Variants in ANO4 observed in about 807,000 individuals in gnomAD.
ANO4 encodes the protein anoctamin-4.
Under a neutral mutation model 141.9 loss-of-function variants are expected in ANO4, and 69 were observed. That is an observed-to-expected ratio of 0.49 (90% CI 0.40 to 0.59). The LOEUF (loss-of-function observed/expected upper bound fraction) is 0.59, where lower values mean the gene tolerates loss of function less well. Ranked by LOEUF, ANO4 falls within the 20% of genes least tolerant of loss-of-function variation. The pLI is 0.00. For synonymous variants in ANO4, 350 were observed against 394.3 expected, an observed-to-expected ratio of 0.89 and a Z score of 1.33; for missense variants, 894 against 1,162.2, an observed-to-expected ratio of 0.77 and a Z score of 3.36.
At chr12:100,962,527 C>T (rs2043471304) in intron 5 of ANO4, among the ~76,000 whole-genome samples, 1 of 152,224 alleles carries the variant, frequency 6.6e-6, no homozygotes, top group Non-Finnish European at 1.5e-5. Context: ...ACTGTGTCCT[C>T]TAATCAGGAT....
chr12:101,109,560 C>CA (rs564404864), intron 22 of ANO4, among the ~76,000 whole-genome samples: 188 of 146,492 alleles, frequency 1.3e-3, no homozygotes, highest in East Asian at 2.6e-3. Context: ...GACTCTGTCT[C>CA]AAAAAAAAAC....
At chr12:100,742,093 A>T (rs1310446566) in intron 3 of ANO4, among the ~76,000 whole-genome samples, 5 of 152,160 alleles carry the variant, frequency 3.3e-5, no homozygotes, top group African/African-American at 7.2e-5. Flanking sequence ...GCAATAAAAT[A>T]TTGATTTGTT....
At chr12:101,008,900 T>A (rs1227179196) in intron 8 of ANO4, among the ~76,000 whole-genome samples, 2 of 152,154 alleles carry the variant, frequency 1.3e-5, no homozygotes, top group Non-Finnish European at 2.9e-5. Context: ...ACCAAGGATA[T>A]CCTAGGATTC....
At chr12:101,036,926 C>T (rs894258032) in intron 9 of ANO4, among the ~76,000 whole-genome samples, 169 bp from the exon 10 acceptor site, 53 of 152,092 alleles carry the variant, frequency 3.5e-4, no homozygotes, top group African/African-American at 1.2e-3. Context: ...TTTCCCAGCC[C>T]TTGATCCCAA....
At chr12:101,079,928 A>C (rs2136860233) in intron 15 of ANO4, among the ~76,000 whole-genome samples, 1 of 152,258 alleles carries the variant, frequency 6.6e-6, no homozygotes, top group African/African-American at 2.4e-5. Flanking sequence ...TCCTGTCGGA[A>C]GTCTGAAGTA....
chr12:100,942,351 A>G (rs1037381077), intron 4 of ANO4, 26 bp from the exon 5 acceptor site: 14 of 1,605,000 alleles, frequency 8.7e-6, no homozygotes, highest in Non-Finnish European at 1.2e-5. Flanking sequence ...AATGACTTAA[A>G]CTGGTCCCTT....
intron 8 of ANO4, among the ~76,000 whole-genome samples, chr12:100,993,824 G>T (rs949962826): frequency 1.3e-5 from 2 of 152,070 alleles, no homozygotes; most frequent in Non-Finnish European, 2.9e-5. Flanking sequence ...TGTGTGCCCA[G>T]AAGAAAAAAA....
chr12:100,919,903 G>T (rs548234843), intron 2 of ANO4, among the ~76,000 whole-genome samples: 1 of 151,508 alleles, frequency 6.6e-6, no homozygotes, highest in Non-Finnish European at 1.5e-5. Context: ...TTCCTTTATG[G>T]TGCTTCTTTT....
At chr12:101,101,920 T>C (rs1427660991) in intron 22 of ANO4, among the ~76,000 whole-genome samples, 1 of 152,050 alleles carries the variant, frequency 6.6e-6, no homozygotes, top group South Asian at 2.1e-4. Context: ...CCGTCTGTAC[T>C]GAAAGATACA....
At chr12:100,970,643 TCCTCCCTC>T (rs1191879399) in intron 5 of ANO4, among the ~76,000 whole-genome samples, 2 of 129,298 alleles carry the variant, frequency 1.5e-5, no homozygotes, top group East Asian at 2.4e-4. Context: ...CTCCCTCCCT[TCCTCCCTC>T]CCTCCCTCCC....
chr12:100,896,808 A>G (rs2040375515), intron 1 of ANO4, among the ~76,000 whole-genome samples: 1 of 152,238 alleles, frequency 6.6e-6, no homozygotes, highest in Non-Finnish European at 1.5e-5. Context: ...CCTAATGGGT[A>G]AAAATGAAGA....
At chr12:100,994,618 T>A (rs909749364) in intron 8 of ANO4, among the ~76,000 whole-genome samples, 2 of 152,258 alleles carry the variant, frequency 1.3e-5, no homozygotes. Flanking sequence ...ACCATTATTT[T>A]ATTTTTGTAA....
At chr12:100,958,699 T>A (rs2043276597) in intron 5 of ANO4, among the ~76,000 whole-genome samples, 1 of 151,876 alleles carries the variant, frequency 6.6e-6, no homozygotes, top group African/African-American at 2.4e-5. Flanking sequence ...ATGCAAAAAA[T>A]TAGCCAGGTG....
intron 17 of ANO4, among the ~76,000 whole-genome samples, chr12:101,092,524 G>A (rs1473100681): frequency 1.4e-5 from 2 of 145,276 alleles, no homozygotes; most frequent in Non-Finnish European, 3.1e-5. Context: ...ATCTCTGAGC[G>A]GCTGTGAGTC....
intron 3 of ANO4, among the ~76,000 whole-genome samples, chr12:100,777,269 C>CTTTTTT (rs71091463): frequency 2.2e-4 from 11 of 50,614 alleles, no homozygotes; most frequent in Non-Finnish European, 2.4e-4. Flanking sequence ...ATTTTTGTAT[C>CTTTTTT]TTTTTTTTTT....
intron 3 of ANO4, among the ~76,000 whole-genome samples, chr12:100,758,507 G>A (rs2032712438): frequency 6.6e-6 from 1 of 152,090 alleles, no homozygotes; most frequent in Non-Finnish European, 1.5e-5. Flanking sequence ...TGCAAGTCTG[G>A]GATTTGGTTC....
intron 1 of ANO4, among the ~76,000 whole-genome samples, chr12:100,885,032 T>C (rs766573403): frequency 1.3e-5 from 2 of 152,214 alleles, no homozygotes; most frequent in African/African-American, 2.4e-5. Flanking sequence ...GCCACATCCC[T>C]AGACTCATGG....
At chr12:101,069,085 A>G in intron 14 of ANO4, 1 of 1,069,912 alleles carries the variant, frequency 9.3e-7, no homozygotes, top group South Asian at 1.2e-5. Context: ...AGCTTTCCAA[A>G]TCTGCAAAGG....
chr12:100,835,929 A>G (rs1366042840), intron 1 of ANO4, among the ~76,000 whole-genome samples: 1 of 152,282 alleles, frequency 6.6e-6, no homozygotes, highest in African/African-American at 2.4e-5. Flanking sequence ...AAGGTGCTAC[A>G]TGAATCAACA....
Sources: allele counts gnomAD v4.1 joint callset (sites outside exome capture counted in the v4.1 genomes callset), GRCh38; gene constraint gnomAD v4.1.1; transcripts MANE v1.5; gene names NCBI Gene and HGNC (gene_info 2026-07-23, HGNC 2026-07-21).